CHD9: variants seen among roughly 807,000 people sequenced by gnomAD.
CHD9 encodes the protein ATP-dependent chromatin remodeler CHD9.
In CHD9, 77 loss-of-function variants were observed where a neutral mutation model predicts 316.1. That is an observed-to-expected ratio of 0.24 (90% CI 0.20 to 0.29). CHD9 has a LOEUF of 0.29. CHD9 is among the 10% of genes least tolerant of loss of function. The probability of loss-of-function intolerance (pLI) is 1.00; values close to 1 mark genes in which losing one functional copy is unlikely to be tolerated. For synonymous variants in CHD9, 1,129 were observed against 1,158.3 expected, an observed-to-expected ratio of 0.97 and a Z score of 0.51; for missense variants, 2,763 against 3,438.1, an observed-to-expected ratio of 0.80 and a Z score of 4.91.
At position 53,307,845 on chromosome 16, in the gene CHD9, A is replaced by T; in HGVS notation, c.6945A>T (p.Val2315=). The T allele has an allele frequency of 6.2e-7, 1 of 1,613,816 alleles. No homozygotes were observed. The highest frequency in any genetic ancestry group is 8.5e-7 in the Non-Finnish European group (1 of 1,179,836). Residue 2315 remains valine (V), a synonymous_variant, in exon 33 of 39, where the codon GTA becomes GTT. Coordinates refer to ENST00000447540, the MANE Select transcript of CHD9 (RefSeq NM_001308319.2). Reference sequence around the variant, plus strand: ...CTACAGAATACAGCGATCCCAGTGTACCCACTCCCCCAGGTGCCGGTGTTA... The same window carrying T: ...CTACAGAATACAGCGATCCCAGTGTTCCCACTCCCCCAGGTGCCGGTGTTA... ...GAATEYSDPS[V]PTPPGAGVKE...
chr16:53,224,443 G>A (rs1327564958), intron 4 of CHD9, among the ~76,000 whole-genome samples: 2 of 152,104 alleles, frequency 1.3e-5, no homozygotes, highest in African/African-American at 4.8e-5. Context: ...ATAATTCATA[G>A]ACTTTTAAAT....
At chr16:53,086,085 GAAAGA>G (rs1168288998) in intron 1 of CHD9, among the ~76,000 whole-genome samples, 2 of 152,106 alleles carry the variant, frequency 1.3e-5, no homozygotes, top group Non-Finnish European at 2.9e-5. Flanking sequence ...TGTTTGAGAG[GAAAGA>G]AAAGAAAAGA....
At chr16:53,136,503 C>G (rs1015049657) in intron 1 of CHD9, among the ~76,000 whole-genome samples, 2 of 149,460 alleles carry the variant, frequency 1.3e-5, no homozygotes, top group African/African-American at 4.9e-5. Flanking sequence ...AAATGGCAAT[C>G]AAATAGTCAC....
intron 1 of CHD9, among the ~76,000 whole-genome samples, chr16:53,099,653 C>T (rs1187855949): frequency 6.6e-6 from 1 of 152,206 alleles, no homozygotes; most frequent in East Asian, 1.9e-4. Context: ...CTCCGGACTC[C>T]TCCGGGCGGG....
chr16:53,202,789 A>G (rs1282683583), intron 2 of CHD9, among the ~76,000 whole-genome samples: 1 of 152,198 alleles, frequency 6.6e-6, no homozygotes, highest in African/African-American at 2.4e-5. Flanking sequence ...AAGGAATGTC[A>G]TGGTTATCTA....
At chr16:53,247,701 C>T (rs1265666704) in intron 16 of CHD9, 198 bp downstream of exon 16, 2 of 466,184 alleles carry the variant, frequency 4.3e-6, no homozygotes, top group African/African-American at 4.0e-5. Flanking sequence ...ATTAGATGTG[C>T]CTGAGGAGTC....
chr16:53,264,945 A>C (rs1337332067), intron 20 of CHD9, among the ~76,000 whole-genome samples: 1 of 152,214 alleles, frequency 6.6e-6, no homozygotes, highest in Admixed American at 6.5e-5. Context: ...TTTGTAGATT[A>C]TTTTAAGGCG....
At chr16:53,110,781 A>C (rs915990149) in intron 1 of CHD9, among the ~76,000 whole-genome samples, 2 of 152,196 alleles carry the variant, frequency 1.3e-5, no homozygotes, top group African/African-American at 4.8e-5. Flanking sequence ...ATGTTAATAA[A>C]AATTTTTTTA....
intron 2 of CHD9, among the ~76,000 whole-genome samples, chr16:53,176,869 G>A (rs1286728138): frequency 6.6e-6 from 1 of 152,128 alleles, no homozygotes. Context: ...TTTGTGCCAG[G>A]CATTGTACTG....
intron 24 of CHD9, among the ~76,000 whole-genome samples, chr16:53,282,427 G>A (rs1323533195): frequency 1.3e-5 from 2 of 152,068 alleles, no homozygotes; most frequent in South Asian, 2.1e-4. Flanking sequence ...GCAACATGGC[G>A]AAACCCTGTC....
intron 1 of CHD9, among the ~76,000 whole-genome samples, chr16:53,092,524 A>T (rs1429513087): frequency 2.0e-5 from 3 of 151,942 alleles, no homozygotes; most frequent in African/African-American, 7.3e-5. Context: ...GAGCCCAAAC[A>T]CCCTTTTGCC....
At chr16:53,068,557 A>T (rs763531411) in intron 1 of CHD9, among the ~76,000 whole-genome samples, 5 of 151,990 alleles carry the variant, frequency 3.3e-5, no homozygotes, top group Non-Finnish European at 5.9e-5. Flanking sequence ...CTGTGACACC[A>T]CCCAAGAGAG....
chr16:53,144,916 C>T (rs1193112698), intron 1 of CHD9, among the ~76,000 whole-genome samples: 1 of 147,784 alleles, frequency 6.8e-6, no homozygotes. Flanking sequence ...CACTTGAGTA[C>T]AGGAAGTCAA....
Position 53,263,115 on chromosome 16 carries a change from T to G in CHD9, c.4320+18T>G. On this transcript the variant is annotated intron_variant, in intron 20 of 38. Coordinates refer to ENST00000447540, the MANE Select transcript of CHD9 (RefSeq NM_001308319.2). ...GTGGCAGAGTAAGTATTTTTATCCC[T>G]CTAAAATAAACTTGCTTTTGGGATA... 1 of 1,569,100 alleles carries G rather than the reference T, an allele frequency of 6.4e-7. No homozygotes were observed. The highest frequency in any genetic ancestry group is 1.4e-5 in the African/African-American group (1 of 73,846).
At chr16:53,058,239 G>A (rs550656598) in intron 1 of CHD9, among the ~76,000 whole-genome samples, 53 of 152,234 alleles carry the variant, frequency 3.5e-4, no homozygotes, top group African/African-American at 1.3e-3. Context: ...TCCTGCCTCA[G>A]CCTCCCATGT....
At chr16:53,287,590 G>A (rs2053988160) in intron 26 of CHD9, among the ~76,000 whole-genome samples, 1 of 152,156 alleles carries the variant, frequency 6.6e-6, no homozygotes, top group Admixed American at 6.5e-5. Flanking sequence ...AGCCAGGTGT[G>A]GTGGCATGTA....
chr16:53,250,468 A>T (rs1290441537), intron 17 of CHD9: 1 of 155,748 alleles, frequency 6.4e-6, no homozygotes, highest in Non-Finnish European at 1.4e-5. Context: ...GCCTGGCCTG[A>T]TATTTTTATA....
At chr16:53,075,432 C>A (rs144580125) in intron 1 of CHD9, among the ~76,000 whole-genome samples, 1 of 151,984 alleles carries the variant, frequency 6.6e-6, no homozygotes, top group Non-Finnish European at 1.5e-5. Flanking sequence ...GGGCCAGGGG[C>A]GGAATGATAT....
intron 24 of CHD9, among the ~76,000 whole-genome samples, chr16:53,277,388 G>T (rs996105208): frequency 6.6e-6 from 1 of 152,048 alleles, no homozygotes; most frequent in African/African-American, 2.4e-5. Context: ...ATCCAGCAAC[G>T]TATCAAAAAG....
Sources: allele counts gnomAD v4.1 joint callset (sites outside exome capture counted in the v4.1 genomes callset), GRCh38; gene constraint gnomAD v4.1.1; transcripts MANE v1.5; gene names NCBI Gene and HGNC (gene_info 2026-07-23, HGNC 2026-07-21).